Variants in PPP5C observed in about 807,000 individuals in gnomAD.
PPP5C encodes the protein protein phosphatase 5 catalytic subunit, also known as serine/threonine-protein phosphatase 5.
A neutral mutation model predicts 66.7 loss-of-function variants in PPP5C; 21 were observed. That is an observed-to-expected ratio of 0.31 (90% CI 0.22 to 0.45). The LOEUF is 0.45. Ranked by LOEUF, PPP5C falls within the 20% of genes least tolerant of loss-of-function variation. PPP5C has a pLI of 1.00. For synonymous variants in PPP5C, 246 were observed against 257.4 expected, an observed-to-expected ratio of 0.96 and a Z score of 0.43; for missense variants, 464 against 675.9, an observed-to-expected ratio of 0.69 and a Z score of 3.48.
intron 2 of PPP5C, among the ~76,000 whole-genome samples, chr19:46,371,313 G>T (rs772575868): frequency 1.3e-5 from 2 of 152,144 alleles, no homozygotes; most frequent in Non-Finnish European, 2.9e-5. Context: ...CTTGCAAGCG[G>T]ATACTAGTGC....
intron 4 of PPP5C, among the ~76,000 whole-genome samples, chr19:46,379,032 C>T (rs560119801): frequency 2.0e-5 from 3 of 152,164 alleles, no homozygotes; most frequent in Non-Finnish European, 4.4e-5. Context: ...TACAGGCACA[C>T]GCCACTATAC....
chr19:46,382,107 C>G (rs56064261), intron 4 of PPP5C: 1 of 152,268 alleles, frequency 6.6e-6, no homozygotes, highest in Non-Finnish European at 1.5e-5. Flanking sequence ...CACTCCCTCG[C>G]GCCCAACCTT....
intron 2 of PPP5C, among the ~76,000 whole-genome samples, chr19:46,371,934 T>C (rs998468645): frequency 6.6e-6 from 1 of 152,186 alleles, no homozygotes; most frequent in African/African-American, 2.4e-5. Flanking sequence ...GATGCTGCTC[T>C]ATAATCCCTC....
chr19:46,373,744 C>CCGGTTCCGAACCAGCAGGGCTCA (rs1972637706), intron 2 of PPP5C, among the ~76,000 whole-genome samples: 1 of 152,172 alleles, frequency 6.6e-6, no homozygotes, highest in South Asian at 2.1e-4. Flanking sequence ...GGTGGACAGA[C>CCGGTTCCGAACCAGCAGGGCTCA]CGGTTCCGAA....
chr19:46,385,115 T>C (rs921645807), intron 7 of PPP5C, among the ~76,000 whole-genome samples: 30 of 152,208 alleles, frequency 2.0e-4, no homozygotes, highest in African/African-American at 7.0e-4. Flanking sequence ...TAGAAATGGA[T>C]GTTTACTCTG....
At chr19:46,379,781 G>A (rs1972758700) in intron 4 of PPP5C, among the ~76,000 whole-genome samples, 1 of 152,160 alleles carries the variant, frequency 6.6e-6, no homozygotes, top group African/African-American at 2.4e-5. Flanking sequence ...AGAGAATTAA[G>A]CCCTAACTCC....
In PPP5C at chr19:46,353,970, C is replaced by T; in HGVS notation, c.344C>T (p.Ala115Val). Residue 115 changes from alanine to valine, a missense_variant, in exon 2 of 13, where the codon GCG becomes GTG. Ala to Val is a moderately conservative substitution (Grantham distance 64, BLOSUM62 0). Around this residue, in one of 2 missense-constraint regions of PPP5C, gnomAD observed 387 missense variants for 626.0 expected, o/e 0.62. Transcript: ENST00000012443. ...SNMALGKFRA[A>V]LRDYETVVKV... ...ATGGCACTGGGCAAGTTCCGGGCCG[C>T]GCTGCGAGACTACGAGACGGTGAGC... 1 of 1,610,484 alleles carries T rather than the reference C, an allele frequency of 6.2e-7. No homozygotes were observed. The highest frequency in any genetic ancestry group is 8.5e-7 in the Non-Finnish European group (1 of 1,179,060).
chr19:46,354,978 T>C (rs1972258668), intron 2 of PPP5C, among the ~76,000 whole-genome samples: 1 of 152,194 alleles, frequency 6.6e-6, no homozygotes, highest in Non-Finnish European at 1.5e-5. Flanking sequence ...CCAGGTGTGC[T>C]CTGCATCTTC....
At chr19:46,386,832 A>T in intron 7 of PPP5C, 1 of 552,254 alleles carries the variant, frequency 1.8e-6, no homozygotes, top group East Asian at 3.1e-5. Flanking sequence ...GGCTGGTCTC[A>T]AATTGCTGGG....
intron 2 of PPP5C, among the ~76,000 whole-genome samples, chr19:46,368,612 A>G (rs1050604251): frequency 2.6e-5 from 4 of 152,180 alleles, no homozygotes; most frequent in African/African-American, 7.2e-5. Flanking sequence ...GAACTGTATA[A>G]CAGGGATGAA....
chr19:46,376,670 C>A lies in PPP5C; in HGVS notation c.633+96C>A. The A allele has an allele frequency of 6.6e-7, 1 of 1,513,370 alleles. No homozygotes were observed. Among genetic ancestry groups the A allele is most frequent in the Non-Finnish European group, 8.9e-7 (1 of 1,117,408 alleles). 93.7% of individuals were successfully genotyped at this position (1,513,370 alleles called of 1,614,324 possible). ...ACTGAGCAAAACGACAGGAGAAGGGCGGCCATGACAGCCAACACCAAACAG... is the reference window on the plus strand; with the variant it reads ...ACTGAGCAAAACGACAGGAGAAGGGAGGCCATGACAGCCAACACCAAACAG... On this transcript the variant is annotated intron_variant, in intron 4 of 12. Coordinates refer to ENST00000012443, the MANE Select transcript of PPP5C (RefSeq NM_006247.4). This position sits in a 1 kb window ranked among gnomAD's most constrained non-coding sequence, Gnocchi z 5.1.
At chr19:46,377,028 A>G (rs1398810458) in intron 4 of PPP5C, among the ~76,000 whole-genome samples, 1 of 152,154 alleles carries the variant, frequency 6.6e-6, no homozygotes, top group Non-Finnish European at 1.5e-5. Context: ...AGGCTCTGGT[A>G]TCCCATCTGG....
intron 2 of PPP5C, among the ~76,000 whole-genome samples, chr19:46,367,132 CA>C (rs1216230584): frequency 5.3e-5 from 8 of 152,166 alleles, no homozygotes; most frequent in Non-Finnish European, 1.5e-5. Flanking sequence ...CCAGTTTCAC[CA>C]GATGGTGTGA....
At chr19:46,358,952 C>T (rs917861381) in intron 2 of PPP5C, among the ~76,000 whole-genome samples, 2 of 152,064 alleles carry the variant, frequency 1.3e-5, no homozygotes, top group African/African-American at 4.8e-5. Context: ...CATGACTGCT[C>T]CCTCATTCCA....
chr19:46,389,871 C>T (rs1304895379), intron 11 of PPP5C, among the ~76,000 whole-genome samples, 180 bp from the exon 12 acceptor site: 6 of 151,498 alleles, frequency 4.0e-5, no homozygotes, highest in Non-Finnish European at 7.4e-5. Flanking sequence ...CATCCTCCTG[C>T]CCCTCCCATT....
intron 2 of PPP5C, among the ~76,000 whole-genome samples, chr19:46,373,037 A>G (rs1473189019): frequency 6.6e-6 from 1 of 152,244 alleles, no homozygotes; most frequent in East Asian, 1.9e-4. Context: ...ACAATCCTCC[A>G]GGGGGTGCTG....
chr19:46,376,328 C>T lies in PPP5C; in HGVS notation c.512-125C>T. The T allele has an allele frequency of 7.8e-7, 1 of 1,283,366 alleles. No individual in the cohort carries two copies. The highest frequency in any genetic ancestry group is 2.4e-5 in the East Asian group (1 of 42,078). 79.5% of individuals were successfully genotyped at this position (1,283,366 alleles called of 1,614,324 possible). A position where few individuals can be genotyped will look rare whatever the true frequency, so the allele number is the denominator to read the frequency against. On this transcript the variant is annotated intron_variant, in intron 3 of 12. Transcript: ENST00000012443. The surrounding 1 kb of genome is among the most constrained non-coding windows in gnomAD (Gnocchi z 5.1). ...CTGACCCAGGAGGGGACTCTTCACT[C>T]ACTCTGTCCCGCTCTCGACCTGTGT...
intron 2 of PPP5C, among the ~76,000 whole-genome samples, chr19:46,371,111 C>T (rs994612121): frequency 1.2e-4 from 19 of 152,272 alleles, no homozygotes; most frequent in Admixed American, 3.9e-4. Flanking sequence ...ATGTCCCTCA[C>T]GGGGTCCTTT....
At chr19:46,361,223 G>T (rs1391832318) in intron 2 of PPP5C, among the ~76,000 whole-genome samples, 1 of 144,810 alleles carries the variant, frequency 6.9e-6, no homozygotes, top group Non-Finnish European at 1.5e-5. Flanking sequence ...TCCACCTCCC[G>T]GATTCACCCC....
Sources: gnomAD v4.1 joint callset for allele counts (sites outside exome capture counted in the v4.1 genomes callset) on GRCh38, gnomAD v4.1.1 for gene constraint, gnomAD v4.1.1 regional missense constraint, Gnocchi (gnomAD v3.1) non-coding constraint, MANE v1.5 for transcripts, NCBI Gene and HGNC (gene_info 2026-07-23, HGNC 2026-07-21) for gene names.